Variants in MAP3K14 observed in about 807,000 individuals in gnomAD.
MAP3K14 encodes the protein NF-kappa-beta-inducing kinase.
Under a neutral mutation model 99.2 loss-of-function variants are expected in MAP3K14, and 16 were observed. That is an observed-to-expected ratio of 0.16 (90% CI 0.11 to 0.24). The LOEUF (loss-of-function observed/expected upper bound fraction) is 0.24. Among genes scored for constraint, MAP3K14 ranks in the 10% least tolerant of loss-of-function variants. The probability of loss-of-function intolerance (pLI) is 1.00; values close to 1 mark genes in which losing one functional copy is unlikely to be tolerated. For synonymous variants in MAP3K14, 462 were observed against 492.4 expected, an observed-to-expected ratio of 0.94 and a Z score of 0.82; for missense variants, 784 against 1,208.7, an observed-to-expected ratio of 0.65 and a Z score of 5.21.
intron 3 of MAP3K14, among the ~76,000 whole-genome samples, chr17:45,288,381 T>G (rs1838669748): frequency 1.4e-5 from 2 of 147,662 alleles, no homozygotes; most frequent in African/African-American, 4.9e-5. Flanking sequence ...GAACTCTTGT[T>G]TTTTTTTTTT....
chr17:45,284,299 A>C (rs1237999046), intron 6 of MAP3K14, among the ~76,000 whole-genome samples: 1 of 152,134 alleles, frequency 6.6e-6, no homozygotes, highest in Non-Finnish European at 1.5e-5. Context: ...TCATGTCCCC[A>C]ACATGTCTGT....
rs551664779 is a variant in MAP3K14, at chr17:45,302,457, G to A, written c.-20-11692C>T. Among the ~76,000 whole-genome samples, 694 of 152,190 alleles carry A rather than the reference G, an allele frequency of 4.6e-3. 4 individuals carry two copies. Among genetic ancestry groups the A allele is most frequent in the Middle Eastern group, 6.8e-3 (2 of 294 alleles). The stretch of plus-strand genomic sequence containing the variant: ...TGAGCAGCTGGGATTACAGGCGCCT[G>A]CCACCACACCCGGCTAATTTTTCTA... On this transcript the variant is annotated intron_variant, in intron 1 of 15. Transcript: ENST00000344686.
At chr17:45,280,190 G>A (rs1385584680) in intron 6 of MAP3K14, among the ~76,000 whole-genome samples, 1 of 152,202 alleles carries the variant, frequency 6.6e-6, no homozygotes, top group Non-Finnish European at 1.5e-5. Flanking sequence ...TGTTCTAAAA[G>A]GAGTGATTCT....
chr17:45,290,433 T>G, intron 2 of MAP3K14, 57 bp downstream of exon 2: 1 of 1,600,930 alleles, frequency 6.2e-7, no homozygotes, highest in Non-Finnish European at 8.5e-7. Flanking sequence ...TGGGCCCAGC[T>G]ACCCACCTGC....
At chr17:45,304,045 C>T (rs1366059471) in intron 1 of MAP3K14, among the ~76,000 whole-genome samples, 3 of 140,050 alleles carry the variant, frequency 2.1e-5, no homozygotes, top group Non-Finnish European at 3.0e-5. Context: ...CGGAGTCTCG[C>T]TCTGTCGCCC....
At chr17:45,315,552 A>G (rs1462211388) in intron 1 of MAP3K14, among the ~76,000 whole-genome samples, 1 of 152,238 alleles carries the variant, frequency 6.6e-6, no homozygotes. Flanking sequence ...GATATCACTT[A>G]AAAAACACCA....
chr17:45,294,657 A>G (rs1354944216), intron 1 of MAP3K14, among the ~76,000 whole-genome samples: 3 of 152,218 alleles, frequency 2.0e-5, no homozygotes, highest in East Asian at 1.9e-4. Flanking sequence ...GAATAACCAG[A>G]TAAGTTCTTT....
intron 3 of MAP3K14, among the ~76,000 whole-genome samples, chr17:45,288,580 G>C (rs912529820): frequency 6.6e-6 from 1 of 152,088 alleles, no homozygotes; most frequent in Non-Finnish European, 1.5e-5. Flanking sequence ...GTTTCACCAT[G>C]TTGGCCAGGA....
At chr17:45,280,936 C>T (rs145284894) in intron 6 of MAP3K14, among the ~76,000 whole-genome samples, 509 of 152,230 alleles carry the variant, frequency 3.3e-3, no homozygotes, top group African/African-American at 0.011. Flanking sequence ...GAATAAATTT[C>T]CTAGAATTCA....
At chr17:45,285,528 AG>A (rs2044256844) in intron 5 of MAP3K14, among the ~76,000 whole-genome samples, 3 of 152,198 alleles carry the variant, frequency 2.0e-5, no homozygotes, top group Non-Finnish European at 4.4e-5. Context: ...CGGGAGGCTG[AG>A]GTGGGAGAAT....
chr17:45,267,455 T>C lies in MAP3K14; in HGVS notation c.2277A>G (p.Pro759=), dbSNP rs938141306. The C allele has an allele frequency of 6.2e-7, 1 of 1,610,524 alleles. No individual in the cohort carries two copies. Among genetic ancestry groups the C allele is most frequent in the Non-Finnish European group, 8.5e-7 (1 of 1,178,338 alleles). The part of the protein sequence containing the change: ...EPAPARNPSS[P]ERKATVPEQE... ...GCTCCGGGACGGTTGCTTTCCGCTC[T>C]GGTGAGCTGGGGTTTCTGGCAGGGG... is the stretch of plus-strand genomic sequence containing the variant. Residue 759 remains proline, a synonymous_variant, in exon 12 of 16, where the codon CCA becomes CCG. Coordinates refer to ENST00000344686, the MANE Select transcript of MAP3K14 (RefSeq NM_003954.5). The surrounding 1 kb of genome is among the most constrained non-coding windows in gnomAD (Gnocchi z 5.1).
intron 1 of MAP3K14, among the ~76,000 whole-genome samples, chr17:45,315,793 G>A (rs1163796622): frequency 6.6e-6 from 1 of 151,974 alleles, no homozygotes; most frequent in Non-Finnish European, 1.5e-5. Context: ...CAGGTGCCTC[G>A]CCCATAAAAC....
Position 45,271,184 on chromosome 17 carries a change from C to G in MAP3K14, c.1695G>C (p.Pro565=). The change falls in exon 10 of 16, where the codon CCG becomes CCC. Residue 565 remains proline, a synonymous_variant. Transcript: ENST00000344686. Reference sequence around the variant, plus strand: ...CGCAGCTCCTGCCCAGCACCACCTCCGGAGCCATGTGGGTCTCTGTGCCAG... The same window carrying G: ...CGCAGCTCCTGCCCAGCACCACCTCGGGAGCCATGTGGGTCTCTGTGCCAG... The part of the protein sequence containing the change: ...YIPGTETHMA[P]EVVLGRSCDA... 1 of 1,613,052 alleles carries G rather than the reference C, an allele frequency of 6.2e-7. No homozygotes were observed. The highest frequency in any genetic ancestry group is 8.5e-7 in the Non-Finnish European group (1 of 1,179,676).
At chr17:45,306,910 G>A (rs2044434684) in intron 1 of MAP3K14, among the ~76,000 whole-genome samples, 1 of 152,168 alleles carries the variant, frequency 6.6e-6, no homozygotes, top group African/African-American at 2.4e-5. Context: ...CCTGTCACAC[G>A]TGTACTTAAT....
At position 45,264,379 on chromosome 17, in the gene MAP3K14, C is replaced by T. The variant is rs575650727; in HGVS notation, c.*257G>A. ...GGCAGAGAAGATCCTGTTTGTTTCCCGAGGTAACTCCTGCCATCCTCCTCT... is the reference window on the plus strand; with the variant it reads ...GGCAGAGAAGATCCTGTTTGTTTCCTGAGGTAACTCCTGCCATCCTCCTCT... On this transcript the variant is annotated 3_prime_UTR_variant, in exon 16 of 16. Coordinates refer to ENST00000344686, the MANE Select transcript of MAP3K14 (RefSeq NM_003954.5). 7 of 466,788 alleles carry T rather than the reference C, an allele frequency of 1.5e-5. No individual in the cohort carries two copies. Among genetic ancestry groups the T allele is most frequent in the Middle Eastern group, 5.7e-4 (1 of 1,744 alleles). 28.9% of individuals were successfully genotyped at this position (466,788 alleles called of 1,614,324 possible). A position where few individuals can be genotyped will look rare whatever the true frequency, so the allele number is the denominator to read the frequency against.
At chr17:45,306,120 G>A (rs527572848) in intron 1 of MAP3K14, among the ~76,000 whole-genome samples, 1 of 152,180 alleles carries the variant, frequency 6.6e-6, no homozygotes, top group Non-Finnish European at 1.5e-5. Flanking sequence ...GGTAATGCGT[G>A]CATTTTTTTC....
chr17:45,304,269 A>C (rs1449989765), intron 1 of MAP3K14, among the ~76,000 whole-genome samples: 1 of 152,058 alleles, frequency 6.6e-6, no homozygotes, highest in Non-Finnish European at 1.5e-5. Context: ...CTCCCAAAGT[A>C]CTGGGATTAC....
At chr17:45,271,388 C>T (rs1244995874) in intron 9 of MAP3K14, among the ~76,000 whole-genome samples, 167 bp from the exon 10 acceptor site, 2 of 152,184 alleles carry the variant, frequency 1.3e-5, no homozygotes, top group Non-Finnish European at 2.9e-5. Flanking sequence ...CTCTGTCACC[C>T]AGGCTGGAGT....
intron 1 of MAP3K14, among the ~76,000 whole-genome samples, chr17:45,311,714 G>A (rs2044480790): frequency 6.6e-6 from 1 of 152,194 alleles, no homozygotes; most frequent in African/African-American, 2.4e-5. Flanking sequence ...AATCGCTGGA[G>A]CTCTGCAGAG....
Sources: gnomAD v4.1 joint callset for allele counts (sites outside exome capture counted in the v4.1 genomes callset) on GRCh38, gnomAD v4.1.1 for gene constraint, Gnocchi (gnomAD v3.1) non-coding constraint, MANE v1.5 for transcripts, NCBI Gene and HGNC (gene_info 2026-07-23, HGNC 2026-07-21) for gene names.